LDB2: variants seen among roughly 807,000 people sequenced by gnomAD.
The protein encoded by LDB2 is LIM domain binding 2.
LDB2 carries 12 observed loss-of-function variants against 44.3 expected under a neutral mutation model. The ratio of observed to expected loss-of-function variants is 0.27; its 90% CI spans 0.17 to 0.44. The LOEUF (loss-of-function observed/expected upper bound fraction) is 0.44. Ranked by LOEUF, LDB2 falls within the 20% of genes least tolerant of loss-of-function variation. LDB2 has a pLI of 1.00. For missense variants in LDB2, 344 were observed against 473.5 expected (o/e 0.73, Z 2.54); for synonymous variants, 164 against 174.8 (o/e 0.94, Z 0.49).
chr4:16,512,095 T>C lies in LDB2; in HGVS notation c.625A>G (p.Ile209Val). The change falls in exon 6 of 8, where the codon ATA (isoleucine) becomes GTA (valine). Residue 209 changes from isoleucine (I) to valine (V), a missense_variant. This residue lies in a region of LDB2 where 226 missense variants were observed against 270.1 expected (regional missense o/e 0.84). Coordinates refer to ENST00000304523, the MANE Select transcript of LDB2 (RefSeq NM_001290.5). ...ATCAGTTCCTGCATTGGCTCCAATA[T>C]TACACACAACTGCAAGAAGTTCAAA... ...FTLNYLRLCV[I>V]LEPMQELMSR... 1 of 1,610,548 alleles carries C rather than the reference T, an allele frequency of 6.2e-7. No homozygotes were observed. Among genetic ancestry groups the C allele is most frequent in the Non-Finnish European group, 8.5e-7 (1 of 1,177,916 alleles).
At chr4:16,671,592 G>A (rs754050940) in intron 2 of LDB2, among the ~76,000 whole-genome samples, 1 of 152,156 alleles carries the variant, frequency 6.6e-6, no homozygotes, top group Non-Finnish European at 1.5e-5. Flanking sequence ...CTTAGAATGT[G>A]CAAATGAATG....
intron 1 of LDB2, among the ~76,000 whole-genome samples, chr4:16,891,966 G>A (rs1723539143): frequency 6.6e-6 from 1 of 152,122 alleles, no homozygotes; most frequent in Admixed American, 6.6e-5. Context: ...TATGTAACCT[G>A]TCAGTTTCCA....
chr4:16,794,842 G>T (rs1375941402), intron 1 of LDB2, among the ~76,000 whole-genome samples: 8 of 152,196 alleles, frequency 5.3e-5, no homozygotes, highest in Non-Finnish European at 2.9e-5. Flanking sequence ...AGCATCACCT[G>T]CTCCTGGAAG....
chr4:16,895,809 A>C (rs565243787), intron 1 of LDB2, among the ~76,000 whole-genome samples: 1 of 152,326 alleles, frequency 6.6e-6, no homozygotes, highest in South Asian at 2.1e-4. Flanking sequence ...AACTCAGAGC[A>C]GCTTTATCAT....
intron 1 of LDB2, among the ~76,000 whole-genome samples, chr4:16,769,743 A>G (rs1307018558): frequency 6.6e-6 from 1 of 152,136 alleles, no homozygotes; most frequent in East Asian, 1.9e-4. Context: ...TAACTGAATT[A>G]TAAAACGGCA....
intron 5 of LDB2, among the ~76,000 whole-genome samples, chr4:16,537,425 A>G (rs1175635008): frequency 6.6e-6 from 1 of 152,270 alleles, no homozygotes; most frequent in African/African-American, 2.4e-5. Flanking sequence ...TGTGAAACAT[A>G]TTTAAAACAA....
chr4:16,742,272 A>T (rs548086276), intron 2 of LDB2, among the ~76,000 whole-genome samples: 2 of 151,798 alleles, frequency 1.3e-5, no homozygotes, highest in African/African-American at 2.4e-5. Flanking sequence ...GGGCTTCACC[A>T]TGTTGGCCAG....
intron 1 of LDB2, among the ~76,000 whole-genome samples, chr4:16,790,557 A>G (rs1775490705): frequency 6.6e-6 from 1 of 152,224 alleles, no homozygotes; most frequent in South Asian, 2.1e-4. Context: ...TTGTGTACGT[A>G]CACTCCATGA....
At chr4:16,785,670 T>C (rs1438694918) in intron 1 of LDB2, among the ~76,000 whole-genome samples, 3 of 152,130 alleles carry the variant, frequency 2.0e-5, no homozygotes, top group East Asian at 1.9e-4. Context: ...CAGGGTGGCA[T>C]GGACAACATA....
chr4:16,649,413 T>TGAGA (rs766915381), intron 2 of LDB2, among the ~76,000 whole-genome samples: 2 of 145,794 alleles, frequency 1.4e-5, no homozygotes, highest in Non-Finnish European at 3.1e-5. Flanking sequence ...GAGAGAGAGA[T>TGAGA]GAGAGAGAGA....
At chr4:16,658,262 C>T (rs138104924) in intron 2 of LDB2, among the ~76,000 whole-genome samples, 1 of 152,272 alleles carries the variant, frequency 6.6e-6, no homozygotes, top group Non-Finnish European at 1.5e-5. Context: ...CAATAAATTC[C>T]TGCTAAATTG....
chr4:16,734,703 CTTTTTTTT>C (rs539507998), intron 2 of LDB2, among the ~76,000 whole-genome samples: 41 of 129,352 alleles, frequency 3.2e-4, no homozygotes, highest in East Asian at 4.6e-4. Flanking sequence ...TTCTTGTTTT[CTTTTTTTT>C]TTTTTTTTTT....
chr4:16,867,032 T>C (rs1714938379), intron 1 of LDB2, among the ~76,000 whole-genome samples: 1 of 152,106 alleles, frequency 6.6e-6, no homozygotes, highest in South Asian at 2.1e-4. Flanking sequence ...AGGGACTAGG[T>C]GCTGAAAGAT....
At chr4:16,584,603 G>A (rs1436548468) in intron 5 of LDB2, among the ~76,000 whole-genome samples, 1 of 152,204 alleles carries the variant, frequency 6.6e-6, no homozygotes, top group Non-Finnish European at 1.5e-5. Context: ...AGCAAGCACG[G>A]TGTTCGTGTG....
At chr4:16,721,223 G>A (rs576303172) in intron 2 of LDB2, among the ~76,000 whole-genome samples, 36 of 152,106 alleles carry the variant, frequency 2.4e-4, no homozygotes, top group African/African-American at 8.4e-4. Context: ...CTCCCATGAG[G>A]GTATAAAGAT....
At chr4:16,815,144 T>C (rs1780671764) in intron 1 of LDB2, among the ~76,000 whole-genome samples, 1 of 152,242 alleles carries the variant, frequency 6.6e-6, no homozygotes, top group Admixed American at 6.5e-5. Flanking sequence ...TATTGTGTTT[T>C]TCATTGCATT....
At chr4:16,593,772 C>T (rs923926689) in intron 3 of LDB2, among the ~76,000 whole-genome samples, 4 of 152,170 alleles carry the variant, frequency 2.6e-5, no homozygotes, top group Non-Finnish European at 4.4e-5. Context: ...GAACAAATCA[C>T]TCAACCATCT....
At chr4:16,731,423 A>C (rs1010743645) in intron 2 of LDB2, among the ~76,000 whole-genome samples, 2 of 152,174 alleles carry the variant, frequency 1.3e-5, no homozygotes, top group African/African-American at 4.8e-5. Flanking sequence ...AGAAGAGGCC[A>C]TGTGATGTTA....
Position 16,842,185 on chromosome 4 carries a change from C to T in LDB2, c.132+56169G>A, listed in dbSNP as rs1468930122. ...AAAGCATAATAAAGCAACCCAAGCC[C>T]GGACTCCCAATTGCTGGCTGGGAAT... On this transcript the variant is annotated intron_variant, in intron 1 of 7. Transcript: ENST00000304523. 5.3e-5 allele frequency among the ~76,000 whole-genome samples: 8 copies of T among 152,258 alleles called. 1 individual carries two copies. The East Asian group carries it at 1.2e-3, about 22-fold the overall frequency.
Sources: allele counts gnomAD v4.1 joint callset (sites outside exome capture counted in the v4.1 genomes callset), GRCh38; gene constraint gnomAD v4.1.1; regional missense constraint gnomAD v4.1.1; transcripts MANE v1.5; gene names NCBI Gene and HGNC (gene_info 2026-07-23, HGNC 2026-07-21).